Variants in CST9L observed in about 807,000 individuals in gnomAD.
CST9L encodes the protein cystatin-9-like.
Under a neutral mutation model 13.2 loss-of-function variants are expected in CST9L, and 17 were observed. The ratio of observed to expected loss-of-function variants is 1.29; its 90% CI spans 0.88 to 1.93. The LOEUF is 1.93. Ranked by LOEUF, CST9L falls within the 30% of genes most tolerant of loss-of-function variation. The probability of loss-of-function intolerance (pLI) is 0.00; values close to 1 mark genes in which losing one functional copy is unlikely to be tolerated. For missense variants in CST9L, 170 were observed against 170.5 expected, an observed-to-expected ratio of 1.00 and a Z score of 0.02; for synonymous variants, 78 against 69.1, an observed-to-expected ratio of 1.13 and a Z score of -0.64.
intron 1 of CST9L, among the ~76,000 whole-genome samples, chr20:23,567,040 A>G (rs1989107485): frequency 6.6e-6 from 1 of 152,168 alleles, no homozygotes; most frequent in African/African-American, 2.4e-5. Flanking sequence ...TGTCACATCC[A>G]GGAACCCACG....
chr20:23,565,268 C>T (rs954571205), intron 2 of CST9L, among the ~76,000 whole-genome samples: 1 of 152,180 alleles, frequency 6.6e-6, no homozygotes, highest in African/African-American at 2.4e-5. Flanking sequence ...TGCAATGTTC[C>T]CCACTCCCTA....
chr20:23,565,301 C>T (rs1261692587), intron 2 of CST9L, among the ~76,000 whole-genome samples: 1 of 152,176 alleles, frequency 6.6e-6, no homozygotes, highest in Admixed American at 6.5e-5. Flanking sequence ...AGGGGAACCC[C>T]GGGCTGTCCT....
At chr20:23,566,402 G>T (rs1056263517) in intron 1 of CST9L, among the ~76,000 whole-genome samples, 1 of 152,210 alleles carries the variant, frequency 6.6e-6, no homozygotes, top group African/African-American at 2.4e-5. Flanking sequence ...AGAGGATGGC[G>T]CTATGTGCCT....
intron 1 of CST9L, among the ~76,000 whole-genome samples, chr20:23,566,339 G>A (rs562423493): frequency 4.5e-4 from 69 of 152,270 alleles, no homozygotes; most frequent in Admixed American, 9.8e-4. Context: ...CTCTCCCATG[G>A]TGAGACCCCA....
chr20:23,567,862 C>T (rs1989121055), intron 1 of CST9L, among the ~76,000 whole-genome samples: 1 of 151,948 alleles, frequency 6.6e-6, no homozygotes, highest in Non-Finnish European at 1.5e-5. Flanking sequence ...AAGTATTTCT[C>T]AATTTCTCTC....
chr20:23,568,081 A>G (rs1989123159), intron 1 of CST9L, 130 bp downstream of exon 1: 1 of 870,658 alleles, frequency 1.1e-6, no homozygotes, highest in African/African-American at 1.7e-5. Context: ...ACTACCTTGT[A>G]TTTTCTTAAG....
chr20:23,565,548 C>T (rs1989080405), intron 2 of CST9L, among the ~76,000 whole-genome samples: 1 of 152,124 alleles, frequency 6.6e-6, no homozygotes, highest in African/African-American at 2.4e-5. Context: ...GCCTCTACCA[C>T]TTTTGGGTCT....
At chr20:23,567,507 C>A (rs376854212) in intron 1 of CST9L, among the ~76,000 whole-genome samples, 357 of 110,458 alleles carry the variant, frequency 3.2e-3, no homozygotes, top group African/African-American at 5.1e-3. Context: ...GATTCCATCT[C>A]AAAAAAAAAA....
chr20:23,565,929 G>A, intron 2 of CST9L, 45 bp downstream of exon 2: 1 of 1,032,440 alleles, frequency 9.7e-7, no homozygotes, highest in South Asian at 1.3e-5. Context: ...ACCCCATGTG[G>A]CATCCACAGC....
chr20:23,564,912 GAGC>G lies in CST9L; in HGVS notation c.*33_*35del. ...TAGTGCTGATGTCCACGGAATGTGG[GAGC>G]AGCACATGGACAAGCCTGTGAGTGG... On this transcript the variant is annotated 3_prime_UTR_variant, in exon 3 of 3. Coordinates refer to ENST00000376979, the MANE Select transcript of CST9L (RefSeq NM_080610.3). 1 of 1,424,948 alleles carries G rather than the reference GAGC, an allele frequency of 7.0e-7. No individual in the cohort carries two copies. The highest frequency in any genetic ancestry group is 9.9e-7 in the Non-Finnish European group (1 of 1,007,370). The allele number at this position is 1,424,948 out of a possible 1,614,324, so 88.3% of individuals were successfully genotyped here.
Position 23,565,995 on chromosome 20 carries a change from T to G in CST9L, c.333A>C (p.Gln111His), listed in dbSNP as rs778983947. 1 of 1,598,352 alleles carries G rather than the reference T, an allele frequency of 6.3e-7. No individual in the cohort carries two copies. The highest frequency in any genetic ancestry group is 1.1e-5 in the South Asian group (1 of 90,754). Reference sequence around the variant, plus strand: ...TTACATTGTTCAGCTCTGTGCTTTCTTGGAAATGGCAGTTGTCAATGTCGT... The same window carrying G: ...TTACATTGTTCAGCTCTGTGCTTTCGTGGAAATGGCAGTTGTCAATGTCGT... ...FEDDIDNCHF[Q>H]ESTELNNTFT... The change falls in exon 2 of 3, where the codon CAA becomes CAC. Residue 111 changes from glutamine (Q) to histidine (H), a missense_variant. Gln to His is a conservative substitution (Grantham distance 24). Coordinates refer to ENST00000376979, the MANE Select transcript of CST9L (RefSeq NM_080610.3).
At position 23,566,035 on chromosome 20, in the gene CST9L, C is replaced by T. The variant is rs1385220345; in HGVS notation, c.293G>A (p.Cys98Tyr). ...SMELLLGRTR[C>Y]GKFEDDIDNC... is the part of the protein sequence containing the mutation. ...GTCAATGTCGTCTTCAAATTTCCCA[C>T]ACCTAGTTCTCCCCAGCAGTAGCTC... The change falls in exon 2 of 3, where the codon TGT (cysteine) becomes TAT (tyrosine). Residue 98 changes from cysteine to tyrosine, a missense_variant. By Grantham distance (194) the Cys-to-Tyr change is radical. Coordinates refer to ENST00000376979, the MANE Select transcript of CST9L (RefSeq NM_080610.3). The T allele has an allele frequency of 1.2e-6, 2 of 1,612,016 alleles. No individual in the cohort carries two copies. The highest frequency in any genetic ancestry group is 1.7e-6 in the Non-Finnish European group (2 of 1,177,992).
chr20:23,565,876 C>A (rs1600331027), intron 2 of CST9L, 98 bp downstream of exon 2: 5 of 786,310 alleles, frequency 6.4e-6, no homozygotes, highest in Middle Eastern at 4.8e-4. Context: ...TGCAGGCTCA[C>A]TCCTCTAAGT....
intron 2 of CST9L, 52 bp from the exon 3 acceptor site, chr20:23,565,089 T>A: frequency 7.7e-7 from 1 of 1,303,940 alleles, no homozygotes; most frequent in Non-Finnish European, 1.1e-6. Context: ...CTCAGGAAGC[T>A]CATGGCTCAA....
At chr20:23,567,742 C>T (rs1410043786) in intron 1 of CST9L, among the ~76,000 whole-genome samples, 1 of 152,192 alleles carries the variant, frequency 6.6e-6, no homozygotes, top group Non-Finnish European at 1.5e-5. Context: ...GAACTGACCA[C>T]CCAGAGGTCT....
Position 23,565,051 on chromosome 20 carries a change from C to T in CST9L, c.355-14G>A, listed in dbSNP as rs1011115999. 3.1e-6 allele frequency: 5 copies of T among 1,598,222 alleles called. No individual in the cohort carries two copies. The highest frequency in any genetic ancestry group is 1.7e-4 in the Middle Eastern group (1 of 5,974). On this transcript the variant is annotated splice_polypyrimidine_tract_variant and intron_variant, in intron 2 of 2. Transcript: ENST00000376979. ...GCAGGTGAAAGTCTGAGAGAACAAG[C>T]ACAGGAAGGGACAGTGGGTGAGGGA...
At position 23,565,346 on chromosome 20, in the gene CST9L, T is replaced by G. The variant is rs530435424; in HGVS notation, c.355-309A>C. ...CCTGCACCCAAGAGCAGCAGGAGAA[T>G]GCATTGTCCCAGTGGAAGCAGTTCC... On this transcript the variant is annotated intron_variant, in intron 2 of 2. Coordinates refer to ENST00000376979, the MANE Select transcript of CST9L (RefSeq NM_080610.3). 5.9e-5 allele frequency among the ~76,000 whole-genome samples: 9 copies of G among 152,258 alleles called. No individual in the cohort carries two copies. In the East Asian group the frequency reaches 1.6e-3, roughly 26 times the overall value.
intron 2 of CST9L, among the ~76,000 whole-genome samples, chr20:23,565,638 G>A (rs1989081395): frequency 2.0e-5 from 3 of 152,130 alleles, no homozygotes; most frequent in Admixed American, 1.3e-4. Context: ...AGAAGGCAGG[G>A]GAGGAAGACC....
rs750882629 is a variant in CST9L, at chr20:23,565,026, G to A, written c.366C>T (p.Cys122=). 3 of 1,613,592 alleles carry A rather than the reference G, an allele frequency of 1.9e-6. No homozygotes were observed. The highest frequency in any genetic ancestry group is 2.5e-6 in the Non-Finnish European group (3 of 1,179,552). ...ESTELNNTFT[C]FFTISTRPWM... ...AGGGCCTGGTGCTGATGGTGAAGAA[G>A]CAGGTGAAAGTCTGAGAGAACAAGC... The change falls in exon 3 of 3, where the codon TGC becomes TGT. Residue 122 remains cysteine, a synonymous_variant. Coordinates refer to ENST00000376979, the MANE Select transcript of CST9L (RefSeq NM_080610.3).
Sources: gnomAD v4.1 joint callset for allele counts (sites outside exome capture counted in the v4.1 genomes callset) on GRCh38, gnomAD v4.1.1 for gene constraint, MANE v1.5 for transcripts, NCBI Gene and HGNC (gene_info 2026-07-23, HGNC 2026-07-21) for gene names.